The following SCAP variants were observed in gnomAD, a reference collection of about 807,000 sequenced individuals.
SCAP encodes the protein SREBF chaperone.
SCAP carries 65 observed loss-of-function variants against 123.6 expected under a neutral mutation model. That is an observed-to-expected ratio of 0.53 (90% CI 0.43 to 0.65). SCAP has a LOEUF of 0.65. Among genes scored for constraint, SCAP ranks in the 30% least tolerant of loss-of-function variants. The probability of loss-of-function intolerance (pLI) is 0.00; values close to 1 mark genes in which losing one functional copy is unlikely to be tolerated. For synonymous variants in SCAP, 740 were observed against 726.3 expected (o/e 1.02, Z -0.30); for missense variants, 1,398 against 1,712.5 (o/e 0.82, Z 3.24).
In SCAP at chr3:47,428,640, G is replaced by C; in HGVS notation, c.283C>G (p.Gln95Glu). 1 of 1,614,150 alleles carries C rather than the reference G, an allele frequency of 6.2e-7. No homozygotes were observed. The highest frequency in any genetic ancestry group is 2.2e-5 in the East Asian group (1 of 44,884). ...YVGAPVAYVQ[Q>E]IFVKSSVFPW... is the part of the protein sequence containing the mutation. ...AACACTGAGGACTTCACAAATATCT[G>C]CTGGACATAAGCCACCGGGGCACCC... The change falls in exon 4 of 23, where the codon CAG becomes GAG. Residue 95 changes from glutamine (Q) to glutamate (E), a missense_variant. Gln to Glu is a conservative substitution (Grantham distance 29). Coordinates refer to ENST00000265565, the MANE Select transcript of SCAP (RefSeq NM_012235.4).
At chr3:47,465,109 C>T (rs572991893) in intron 1 of SCAP, among the ~76,000 whole-genome samples, 11 of 151,216 alleles carry the variant, frequency 7.3e-5, no homozygotes, top group African/African-American at 2.2e-4. Context: ...AAATTAAAGA[C>T]GTAAAATAAA....
intron 1 of SCAP, among the ~76,000 whole-genome samples, chr3:47,459,183 T>C (rs902529990): frequency 6.6e-6 from 1 of 152,208 alleles, no homozygotes; most frequent in African/African-American, 2.4e-5. Context: ...TCTTGGCCCA[T>C]GGACAGAGTG....
At chr3:47,458,488 G>A (rs569192252) in intron 1 of SCAP, among the ~76,000 whole-genome samples, 2 of 152,118 alleles carry the variant, frequency 1.3e-5, no homozygotes, top group Non-Finnish European at 2.9e-5. Flanking sequence ...GTTAATGAAC[G>A]AAAGCTGATT....
chr3:47,453,844 C>G (rs1325531775), intron 1 of SCAP, among the ~76,000 whole-genome samples: 2 of 152,188 alleles, frequency 1.3e-5, no homozygotes, highest in African/African-American at 4.8e-5. Context: ...ATGCCCTTTT[C>G]CTATCTTCCC....
intron 2 of SCAP, 56 bp from the exon 3 acceptor site, chr3:47,435,193 C>T: frequency 1.9e-6 from 3 of 1,542,048 alleles, no homozygotes; most frequent in Non-Finnish European, 2.6e-6. Context: ...AGTCCTCTCT[C>T]AGCACTGACA....
chr3:47,454,297 G>T (rs982423255), intron 1 of SCAP, among the ~76,000 whole-genome samples: 1 of 151,070 alleles, frequency 6.6e-6, no homozygotes, highest in African/African-American at 2.4e-5. Context: ...AACCCCGGGG[G>T]ACGGAGCCTG....
chr3:47,418,976 G>A (rs1016725097), intron 13 of SCAP, 133 bp from the exon 14 acceptor site: 7 of 1,024,698 alleles, frequency 6.8e-6, no homozygotes, highest in Non-Finnish European at 9.6e-6. Context: ...AGCATGGGGG[G>A]TTGGGGACAG....
Position 47,417,555 on chromosome 3 carries a change from A to G in SCAP, c.2719T>C (p.Ser907Pro). 1.3e-6 allele frequency: 2 copies of G among 1,578,810 alleles called. No homozygotes were observed. Among genetic ancestry groups the G allele is most frequent in the Non-Finnish European group, 1.7e-6 (2 of 1,163,288 alleles). The part of the protein sequence containing the change: ...HRAVCGRSRD[S>P]PGYDFSCLVQ... ...AGGCAGCTGAAGTCATAGCCTGGGGAGTCCCGAGAGCGGCCACAGACCGCC... is the reference window on the plus strand; with the variant it reads ...AGGCAGCTGAAGTCATAGCCTGGGGGGTCCCGAGAGCGGCCACAGACCGCC... The change falls in exon 17 of 23, where the codon TCC becomes CCC. Residue 907 changes from serine (S) to proline (P), a missense_variant. By Grantham distance (74) the Ser-to-Pro change is moderately conservative (BLOSUM62 -1). Around this residue, in one of 7 missense-constraint regions of SCAP, gnomAD observed 828 missense variants for 882.5 expected, o/e 0.94. Coordinates refer to ENST00000265565, the MANE Select transcript of SCAP (RefSeq NM_012235.4).
chr3:47,427,352 C>A, intron 5 of SCAP, 90 bp from the exon 6 acceptor site: 2 of 1,550,284 alleles, frequency 1.3e-6, no homozygotes, highest in Non-Finnish European at 1.8e-6. Flanking sequence ...CCCTGGGAAA[C>A]AAAGGGTAAA....
chr3:47,425,329 A>G (rs1706077092), intron 8 of SCAP, 156 bp downstream of exon 8: 6 of 787,356 alleles, frequency 7.6e-6, no homozygotes, highest in African/African-American at 1.7e-5. Context: ...CAAGCCAGAC[A>G]AAGAAGAGGA....
chr3:47,446,485 T>C lies in SCAP; in HGVS notation c.-98-3394A>G, dbSNP rs1044039103. Among the ~76,000 whole-genome samples, 5 of 152,314 alleles carry C rather than the reference T, an allele frequency of 3.3e-5. No individual in the cohort carries two copies. The East Asian group carries it at 7.7e-4, about 24-fold the overall frequency. Reference sequence around the variant, plus strand: ...CGTGCCTGGCCCCCCTCAATTCTTATGTTTACTTTTTTTGTTGTTGTTGTT... The same window carrying C: ...CGTGCCTGGCCCCCCTCAATTCTTACGTTTACTTTTTTTGTTGTTGTTGTT... On this transcript the variant is annotated intron_variant, in intron 1 of 22. Coordinates refer to ENST00000265565, the MANE Select transcript of SCAP (RefSeq NM_012235.4).
chr3:47,425,864 G>A, intron 7 of SCAP, 133 bp downstream of exon 7: 1 of 1,074,790 alleles, frequency 9.3e-7, no homozygotes. Context: ...GGGGGACAAA[G>A]CCCTAGCTCT....
chr3:47,439,203 G>A lies in SCAP; in HGVS notation c.122+3669C>T, dbSNP rs566787075. Among the ~76,000 whole-genome samples, 1 of 152,200 alleles carries A rather than the reference G, an allele frequency of 6.6e-6. No homozygotes were observed. The highest frequency in any genetic ancestry group is 6.5e-5 in the Admixed American group (1 of 15,286). ...GTGGGCAGGTTACTTGAGGTCAGGA[G>A]TTTGACACCAGTCTGGCCAACATGG... On this transcript the variant is annotated intron_variant, in intron 2 of 22. Transcript: ENST00000265565. The surrounding 1 kb of genome is among the most constrained non-coding windows in gnomAD (Gnocchi z 4.0).
chr3:47,465,163 A>G (rs1050270196), intron 1 of SCAP, among the ~76,000 whole-genome samples: 1 of 151,100 alleles, frequency 6.6e-6, no homozygotes, highest in Non-Finnish European at 1.5e-5. Flanking sequence ...TTGGAAGATG[A>G]TATTCTTTTT....
intron 9 of SCAP, among the ~76,000 whole-genome samples, chr3:47,423,046 T>C (rs961607251): frequency 6.6e-6 from 1 of 152,234 alleles, no homozygotes; most frequent in African/African-American, 2.4e-5. Flanking sequence ...CTCTGTGCTC[T>C]TACTGGGTAA....
chr3:47,452,568 A>C (rs1707265335), intron 1 of SCAP, among the ~76,000 whole-genome samples: 1 of 152,244 alleles, frequency 6.6e-6, no homozygotes, highest in Non-Finnish European at 1.5e-5. Flanking sequence ...TGTTCTTCAC[A>C]AATGTCCCAA....
rs1705765779 is a variant in SCAP at position 47,418,834 on chromosome 3, G to A, written c.1950C>T (p.Ser650=). ...GCGTGACTGGGATGACGGGCAGCAG[G>A]CTGATGTACCTGGATTCGGACAGTG... ...YNITLAKRYI[S]LLPVIPVTLR... Residue 650 remains serine (S), a synonymous_variant, in exon 14 of 23, where the codon AGC becomes AGT. Transcript: ENST00000265565. The A allele has an allele frequency of 3.3e-6, 5 of 1,523,700 alleles. No homozygotes were observed. Among genetic ancestry groups the A allele is most frequent in the East Asian group, 2.3e-5 (1 of 43,934 alleles). The allele number at this position is 1,523,700 out of a possible 1,614,324, so 94.4% of individuals were successfully genotyped here.
rs763273706 is a variant in SCAP, at chr3:47,414,233, G to A, written c.3541C>T (p.Leu1181Phe). 1 of 1,613,672 alleles carries A rather than the reference G, an allele frequency of 6.2e-7. No individual in the cohort carries two copies. The highest frequency in any genetic ancestry group is 1.1e-5 in the South Asian group (1 of 91,080). Residue 1181 changes from leucine to phenylalanine, a missense_variant, in exon 22 of 23, where the codon CTC becomes TTC. Coordinates refer to ENST00000265565, the MANE Select transcript of SCAP (RefSeq NM_012235.4). ...SCVISSGLDD[L>F]ISIWDRSTGI... Reference sequence around the variant, plus strand: ...GTGCTGCGGTCCCAGATGCTGATGAGGTCATCCAGGCCACTGCTGATGACA... The same window carrying A: ...GTGCTGCGGTCCCAGATGCTGATGAAGTCATCCAGGCCACTGCTGATGACA...
At position 47,413,930 on chromosome 3, in the gene SCAP, T is replaced by C. The variant is rs771588257; in HGVS notation, c.3764A>G (p.Asn1255Ser). ...QPARQILVLDNAAIVCNFGSE... is the reference protein window; with the variant it reads ...QPARQILVLDSAAIVCNFGSE... Reference sequence around the variant, plus strand: ...GCCAAAGTTGCAGACAATGGCAGCGTTGTCCAGCACCAGGATCTGGCGGGC... The same window carrying C: ...GCCAAAGTTGCAGACAATGGCAGCGCTGTCCAGCACCAGGATCTGGCGGGC... The change falls in exon 23 of 23, where the codon AAC (asparagine) becomes AGC (serine). Residue 1255 changes from asparagine (N) to serine (S), a missense_variant. By Grantham distance (46) the Asn-to-Ser change is conservative. Transcript: ENST00000265565. 12 of 1,613,268 alleles carry C rather than the reference T, an allele frequency of 7.4e-6. No homozygotes were observed. The highest frequency in any genetic ancestry group is 3.3e-5 in the Admixed American group (2 of 60,020).
Sources: gnomAD v4.1 joint callset for allele counts (sites outside exome capture counted in the v4.1 genomes callset) on GRCh38, gnomAD v4.1.1 for gene constraint, gnomAD v4.1.1 regional missense constraint, Gnocchi (gnomAD v3.1) non-coding constraint, MANE v1.5 for transcripts, NCBI Gene and HGNC (gene_info 2026-07-23, HGNC 2026-07-21) for gene names.